ZNF827: variants seen among roughly 807,000 people sequenced by gnomAD.
ZNF827 encodes the protein zinc finger protein 827.
A neutral mutation model predicts 102.4 loss-of-function variants in ZNF827; 13 were observed. That is an observed-to-expected ratio of 0.13 (90% confidence interval 0.08 to 0.20). The LOEUF (loss-of-function observed/expected upper bound fraction) is 0.20, where lower values mean the gene tolerates loss of function less well. Among genes scored for constraint, ZNF827 ranks in the 10% least tolerant of loss-of-function variants. ZNF827 has a pLI of 1.00. For synonymous variants in ZNF827, 523 were observed against 536.2 expected (o/e 0.98, Z 0.34); for missense variants, 1,103 against 1,344.4 (o/e 0.82, Z 2.81).
At chr4:145,776,952 G>T (rs934934895) in intron 9 of ZNF827, among the ~76,000 whole-genome samples, 3 of 152,198 alleles carry the variant, frequency 2.0e-5, no homozygotes, top group Non-Finnish European at 4.4e-5. Flanking sequence ...AGTAAAAGGA[G>T]CAGGCTTTGC....
chr4:145,760,720 G>GTTTTTTTTTT lies in ZNF827; in HGVS notation c.*886_*895dup. 2.8e-6 allele frequency: 2 copies of GTTTTTTTTTT among 706,240 alleles called. No homozygotes were observed. The highest frequency in any genetic ancestry group is 4.6e-5 in the South Asian group (1 of 21,612). The allele number at this position is 706,240 out of a possible 1,614,324, so 43.7% of individuals were successfully genotyped here. A position where few individuals can be genotyped will look rare whatever the true frequency, so the allele number is the denominator to read the frequency against. ...GCTGGGGTTGTGTTTAAGTTTTGTG[G>GTTTTTTTTTT]TTTTTTTTTTTTTTTTTGTCTTTTG... On this transcript the variant is annotated 3_prime_UTR_variant, in exon 15 of 15. Coordinates refer to ENST00000508784, the MANE Select transcript of ZNF827 (RefSeq NM_001306215.2).
At chr4:145,856,994 C>T (rs1179360483) in intron 5 of ZNF827, among the ~76,000 whole-genome samples, 1 of 152,120 alleles carries the variant, frequency 6.6e-6, no homozygotes, top group Non-Finnish European at 1.5e-5. Flanking sequence ...CGCACACACA[C>T]ACACACACAC....
intron 4 of ZNF827, among the ~76,000 whole-genome samples, chr4:145,871,152 T>C (rs1408395741): frequency 6.6e-6 from 1 of 152,168 alleles, no homozygotes; most frequent in South Asian, 2.1e-4. Context: ...ATTTTAGATT[T>C]ACAGAGAAGT....
chr4:145,846,780 A>G (rs1746004609), intron 6 of ZNF827, among the ~76,000 whole-genome samples: 1 of 143,930 alleles, frequency 6.9e-6, no homozygotes. Flanking sequence ...TCGCGCCACT[A>G]CACTCCAGCC....
intron 5 of ZNF827, 103 bp downstream of exon 5, chr4:145,870,142 G>A: frequency 1.9e-6 from 2 of 1,049,148 alleles, no homozygotes; most frequent in Non-Finnish European, 2.8e-6. Context: ...GCAATAATGC[G>A]ATATTGCTGC....
chr4:145,922,952 C>G (rs2135963), intron 1 of ZNF827, among the ~76,000 whole-genome samples: 86,246 of 152,068 alleles, frequency 0.57, 27,774 homozygotes, highest in African/African-American at 0.87. Context: ...GGTCCTTAAA[C>G]ACCTTTCAGA....
In ZNF827 at chr4:145,823,419, T is replaced by C. The variant is rs1743347436; in HGVS notation, c.2383+3A>G. On this transcript the variant is annotated splice_donor_region_variant and intron_variant, in intron 8 of 14. Coordinates refer to ENST00000508784, the MANE Select transcript of ZNF827 (RefSeq NM_001306215.2). ...AGAAGCAAAGCCAACAATGTTTCCATACCTGGAGCTGATATTCTTCCGTGC... is the reference window on the plus strand; with the variant it reads ...AGAAGCAAAGCCAACAATGTTTCCACACCTGGAGCTGATATTCTTCCGTGC... 1 of 1,612,288 alleles carries C rather than the reference T, an allele frequency of 6.2e-7. No homozygotes were observed. Among genetic ancestry groups the C allele is most frequent in the Non-Finnish European group, 8.5e-7 (1 of 1,178,792 alleles).
At chr4:145,787,937 C>T in intron 8 of ZNF827, among the ~76,000 whole-genome samples, 1 of 152,104 alleles carries the variant, frequency 6.6e-6, no homozygotes, top group East Asian at 1.9e-4. Context: ...AACCCAAGAT[C>T]AAGGAGGAAT....
intron 8 of ZNF827, among the ~76,000 whole-genome samples, chr4:145,794,486 A>G (rs1377904400): frequency 1.3e-5 from 2 of 152,148 alleles, no homozygotes; most frequent in Non-Finnish European, 2.9e-5. Flanking sequence ...TAGGAGTTGG[A>G]TACCAGCCTG....
At chr4:145,924,720 CA>C (rs1181756946) in intron 1 of ZNF827, among the ~76,000 whole-genome samples, 3 of 152,234 alleles carry the variant, frequency 2.0e-5, no homozygotes, top group African/African-American at 7.2e-5. Context: ...CCACACCTCA[CA>C]GTTGATTTTT....
intron 1 of ZNF827, among the ~76,000 whole-genome samples, chr4:145,912,821 A>G (rs145182561): frequency 7.2e-5 from 11 of 152,350 alleles, no homozygotes; most frequent in African/African-American, 2.6e-4. Flanking sequence ...TTTAGCCTCC[A>G]GAATTGTGAG....
At chr4:145,870,614 G>A (rs1748601186) in intron 4 of ZNF827, 136 bp from the exon 5 acceptor site, 3 of 744,306 alleles carry the variant, frequency 4.0e-6, no homozygotes, top group East Asian at 2.7e-5. Context: ...CATCAGAACA[G>A]GCTGGGCCCT....
intron 2 of ZNF827, among the ~76,000 whole-genome samples, chr4:145,899,968 A>C (rs745425074): frequency 1.3e-5 from 2 of 152,232 alleles, no homozygotes; most frequent in Non-Finnish European, 2.9e-5. Flanking sequence ...TTTCTTATAG[A>C]TCTCCCATAT....
intron 7 of ZNF827, among the ~76,000 whole-genome samples, chr4:145,839,916 G>T (rs925114847): frequency 6.6e-6 from 1 of 152,170 alleles, no homozygotes; most frequent in African/African-American, 2.4e-5. Context: ...ATTTAAATTT[G>T]CCTCTTAAGA....
At chr4:145,812,336 C>T (rs1373422439) in intron 8 of ZNF827, among the ~76,000 whole-genome samples, 7 of 152,052 alleles carry the variant, frequency 4.6e-5, no homozygotes, top group South Asian at 2.1e-4. Flanking sequence ...GTATTGGACT[C>T]TCACATCAAA....
intron 8 of ZNF827, among the ~76,000 whole-genome samples, chr4:145,811,358 C>T (rs1487056347): frequency 6.6e-6 from 1 of 152,104 alleles, no homozygotes; most frequent in African/African-American, 2.4e-5. Context: ...TAAGCCTCAC[C>T]ATGGCTCACA....
Position 145,775,941 on chromosome 4 carries a change from G to A in ZNF827, c.2541C>T (p.Cys847=), listed in dbSNP as rs1737011507. 1 of 1,614,022 alleles carries A rather than the reference G, an allele frequency of 6.2e-7. No homozygotes were observed. The highest frequency in any genetic ancestry group is 8.5e-7 in the Non-Finnish European group (1 of 1,180,020). Residue 847 remains cysteine, a synonymous_variant, in exon 10 of 15, where the codon TGC becomes TGT. Transcript: ENST00000508784. The part of the protein sequence containing the change: ...SLHTEERKYK[C]HLCPYAAKCR... ...ACTTAGCAGCATAGGGGCACAAGTGGCATTTGTATTTTCTTTCCTCTGGGG... is the reference window on the plus strand; with the variant it reads ...ACTTAGCAGCATAGGGGCACAAGTGACATTTGTATTTTCTTTCCTCTGGGG...
intron 8 of ZNF827, among the ~76,000 whole-genome samples, chr4:145,787,044 C>T (rs938070463): frequency 1.3e-5 from 2 of 152,142 alleles, no homozygotes; most frequent in Non-Finnish European, 2.9e-5. Context: ...TACTAGGCTC[C>T]CTATGACCAC....
intron 1 of ZNF827, among the ~76,000 whole-genome samples, chr4:145,924,825 A>G (rs79059588): frequency 6.6e-6 from 1 of 152,192 alleles, no homozygotes; most frequent in African/African-American, 2.4e-5. Flanking sequence ...TTACATTACT[A>G]ATATGGCCCC....
Sources: allele counts gnomAD v4.1 joint callset (sites outside exome capture counted in the v4.1 genomes callset), GRCh38; gene constraint gnomAD v4.1.1; transcripts MANE v1.5; gene names NCBI Gene and HGNC (gene_info 2026-07-23, HGNC 2026-07-21).